The following EIF2AK3 variants were observed in gnomAD, a reference collection of about 807,000 sequenced individuals.
The protein encoded by EIF2AK3 is eukaryotic translation initiation factor 2 alpha kinase 3.
EIF2AK3 carries 50 observed loss-of-function variants against 113.5 expected under a neutral mutation model. The ratio of observed to expected loss-of-function variants is 0.44; its 90% CI spans 0.35 to 0.56. EIF2AK3 has a LOEUF of 0.56. Among genes scored for constraint, EIF2AK3 ranks in the 20% least tolerant of loss-of-function variants. The probability of loss-of-function intolerance (pLI) is 0.00; values close to 1 mark genes in which losing one functional copy is unlikely to be tolerated. For synonymous variants in EIF2AK3, 448 were observed against 495.4 expected (o/e 0.90, Z 1.27); for missense variants, 1,185 against 1,378.0 (o/e 0.86, Z 2.22).
At chr2:88,584,553 G>GTAC (rs1674673572) in intron 9 of EIF2AK3, among the ~76,000 whole-genome samples, 1 of 134,978 alleles carries the variant, frequency 7.4e-6, no homozygotes, top group African/African-American at 3.0e-5. Flanking sequence ...AAAAAAGAAT[G>GTAC]TACAGTCTAG....
chr2:88,627,307 G>C lies in EIF2AK3; in HGVS notation c.-33C>G. 6.8e-7 allele frequency: 1 copy of C among 1,466,034 alleles called. No homozygotes were observed. The highest frequency in any genetic ancestry group is 9.0e-7 in the Non-Finnish European group (1 of 1,111,624). 90.8% of individuals were successfully genotyped at this position (1,466,034 alleles called of 1,614,324 possible). A position where few individuals can be genotyped will look rare whatever the true frequency, so the allele number is the denominator to read the frequency against. On this transcript the variant is annotated 5_prime_UTR_variant, in exon 1 of 17. Transcript: ENST00000303236. ...CCGCCCCGCGCGCAGGCATGGAGGC[G>C]CAGCCACTGACGCCTGCCTCTCCCG... is the stretch of plus-strand genomic sequence containing the variant.
In EIF2AK3 at chr2:88,574,757, C is replaced by G. The variant is rs754596362; in HGVS notation, c.2726G>C (p.Arg909Thr). 2 of 1,614,230 alleles carry G rather than the reference C, an allele frequency of 1.2e-6. No homozygotes were observed. Among genetic ancestry groups the G allele is most frequent in the Middle Eastern group, 1.7e-4 (1 of 6,060 alleles). ...WMNGRCTIEE[R>T]ERSVCLHIFL... Reference sequence around the variant, plus strand: ...GATGTGCAGACACACGCTCCTCTCTCTCTCCTCTATGGTACATCGTCCATT... The same window carrying G: ...GATGTGCAGACACACGCTCCTCTCTGTCTCCTCTATGGTACATCGTCCATT... The change falls in exon 13 of 17, where the codon AGA becomes ACA. Residue 909 changes from arginine (R) to threonine (T), a missense_variant. By Grantham distance (71) the Arg-to-Thr change is moderately conservative (BLOSUM62 -1). Around this residue, in one of 3 missense-constraint regions of EIF2AK3, gnomAD observed 877 missense variants for 1,024.2 expected, o/e 0.86. Transcript: ENST00000303236.
chr2:88,612,056 G>C (rs1675470099), intron 2 of EIF2AK3, among the ~76,000 whole-genome samples: 1 of 152,170 alleles, frequency 6.6e-6, no homozygotes, highest in Non-Finnish European at 1.5e-5. Flanking sequence ...AAGACAGTAA[G>C]AATGTTGAAC....
At chr2:88,606,408 TGC>T (rs766109694) in intron 2 of EIF2AK3, among the ~76,000 whole-genome samples, 59 of 152,222 alleles carry the variant, frequency 3.9e-4, no homozygotes, top group Non-Finnish European at 7.2e-4. Context: ...CTTTCAGCCA[TGC>T]TAAGGGATTA....
chr2:88,617,755 CA>C (rs34207001), intron 1 of EIF2AK3, among the ~76,000 whole-genome samples: 31 of 145,376 alleles, frequency 2.1e-4, no homozygotes, highest in Non-Finnish European at 3.0e-4. Flanking sequence ...GACTCCATCT[CA>C]AAAAAAAAAA....
At chr2:88,607,698 G>A (rs141256465) in intron 2 of EIF2AK3, among the ~76,000 whole-genome samples, 1 of 152,250 alleles carries the variant, frequency 6.6e-6, no homozygotes, top group African/African-American at 2.4e-5. Context: ...TAAGCCTTTT[G>A]GATCAGAAAA....
At position 88,590,848 on chromosome 2, in the gene EIF2AK3, C is replaced by G; in HGVS notation, c.972G>C (p.Lys324Asn). The change falls in exon 5 of 17, where the codon AAG (lysine) becomes AAC (asparagine). Residue 324 changes from lysine to asparagine, a missense_variant. Lys to Asn is a moderately conservative substitution (Grantham distance 94). Around this residue, in one of 3 missense-constraint regions of EIF2AK3, gnomAD observed 877 missense variants for 1,024.2 expected, o/e 0.86. Transcript: ENST00000303236. ...ACTCCCATTCCAGATGTCCTCCCTTCTTACTGAATGCCATAACTTTCCAGT... is the reference window on the plus strand; with the variant it reads ...ACTCCCATTCCAGATGTCCTCCCTTGTTACTGAATGCCATAACTTTCCAGT... ...VADWKVMAFS[K>N]KGGHLEWEYQ... 6.2e-7 allele frequency: 1 copy of G among 1,614,126 alleles called. No homozygotes were observed. The highest frequency in any genetic ancestry group is 8.5e-7 in the Non-Finnish European group (1 of 1,180,000).
chr2:88,611,712 C>A (rs1231701528), intron 2 of EIF2AK3, among the ~76,000 whole-genome samples: 1 of 152,104 alleles, frequency 6.6e-6, no homozygotes, highest in Non-Finnish European at 1.5e-5. Context: ...CTCGCTGCAA[C>A]CTCCGCCTCC....
chr2:88,592,074 T>C (rs1232788970), intron 4 of EIF2AK3, among the ~76,000 whole-genome samples: 1 of 152,156 alleles, frequency 6.6e-6, no homozygotes, highest in African/African-American at 2.4e-5. Flanking sequence ...GTCTGGTTCA[T>C]TTTCAAAAGA....
Position 88,627,093 on chromosome 2 carries a change from G to T in EIF2AK3, c.182C>A (p.Ala61Glu). The change falls in exon 1 of 17, where the codon GCG becomes GAG. Residue 61 changes from alanine (A) to glutamate (E), a missense_variant. This residue lies in a region of EIF2AK3 where 189 missense variants were observed against 175.2 expected (regional missense o/e 1.08). Transcript: ENST00000303236. ...AAPTSATRVP[A>E]AGAVAAAEVT... ...CTCGGCCGCAGCCACGGCGCCCGCC[G>T]CCGGTACTCGCGTCGCTGAGGTGGG... The T allele has an allele frequency of 6.5e-7, 1 of 1,548,388 alleles. No individual in the cohort carries two copies. Among genetic ancestry groups the T allele is most frequent in the Middle Eastern group, 2.1e-4 (1 of 4,768 alleles).
At chr2:88,579,753 T>A in intron 10 of EIF2AK3, 113 bp from the exon 11 acceptor site, 2 of 955,098 alleles carry the variant, frequency 2.1e-6, no homozygotes, top group Admixed American at 4.8e-5. Context: ...ATAGAACTCA[T>A]CTTAATAAAT....
At chr2:88,613,523 C>A (rs1675501544) in intron 2 of EIF2AK3, among the ~76,000 whole-genome samples, 1 of 152,084 alleles carries the variant, frequency 6.6e-6, no homozygotes, top group Non-Finnish European at 1.5e-5. Flanking sequence ...CCCAAGTAAT[C>A]CTAAGAAGAT....
intron 2 of EIF2AK3, among the ~76,000 whole-genome samples, chr2:88,608,571 A>C (rs1478216420): frequency 6.6e-6 from 1 of 152,162 alleles, no homozygotes; most frequent in Non-Finnish European, 1.5e-5. Flanking sequence ...GAGGAAGTTA[A>C]CTACTTTTAA....
chr2:88,623,606 T>C (rs1263854982), intron 1 of EIF2AK3, among the ~76,000 whole-genome samples: 1 of 152,226 alleles, frequency 6.6e-6, no homozygotes, highest in African/African-American at 2.4e-5. Flanking sequence ...AAACGCTTGG[T>C]TAATTCAAAT....
At chr2:88,571,461 C>T (rs146227722) in intron 13 of EIF2AK3, among the ~76,000 whole-genome samples, 192 of 152,308 alleles carry the variant, frequency 1.3e-3, no homozygotes, top group Non-Finnish European at 2.5e-3. Flanking sequence ...AAGCAGTTTA[C>T]TACTACTAAC....
intron 10 of EIF2AK3, chr2:88,579,928 G>A (rs1180816808): frequency 2.8e-6 from 1 of 351,018 alleles, no homozygotes; most frequent in Non-Finnish European, 5.4e-6. Flanking sequence ...AGTGATGTGT[G>A]CTGTCCAATA....
chr2:88,558,869 G>C (rs770872586), intron 16 of EIF2AK3, 48 bp downstream of exon 16: 16 of 1,450,654 alleles, frequency 1.1e-5, no homozygotes, highest in Non-Finnish European at 1.4e-5. Context: ...GACCGCTTAC[G>C]TTCTAAAGAT....
At chr2:88,563,081 A>G (rs567624628) in intron 14 of EIF2AK3, among the ~76,000 whole-genome samples, 1 of 151,364 alleles carries the variant, frequency 6.6e-6, no homozygotes, top group African/African-American at 2.5e-5. Context: ...TTAAATTAAA[A>G]TTGACCTTTT....
intron 12 of EIF2AK3, among the ~76,000 whole-genome samples, chr2:88,575,764 A>T (rs1674442060): frequency 6.6e-6 from 1 of 152,200 alleles, no homozygotes; most frequent in Admixed American, 6.5e-5. Context: ...AAATTAACCT[A>T]AAAGGGCAGC....
Sources: allele counts gnomAD v4.1 joint callset (sites outside exome capture counted in the v4.1 genomes callset), GRCh38; gene constraint gnomAD v4.1.1; regional missense constraint gnomAD v4.1.1; transcripts MANE v1.5; gene names NCBI Gene and HGNC (gene_info 2026-07-23, HGNC 2026-07-21).